Variants in TANC2 observed in about 807,000 individuals in gnomAD.
The protein encoded by TANC2 is tetratricopeptide repeat, ankyrin repeat and coiled-coil containing 2, also known as protein TANC2.
In TANC2, 26 loss-of-function variants were observed where a neutral mutation model predicts 210.5. That is an observed-to-expected ratio of 0.12 (90% confidence interval 0.09 to 0.17). The LOEUF (loss-of-function observed/expected upper bound fraction) is 0.17, where lower values mean the gene tolerates loss of function less well. Among genes scored for constraint, TANC2 ranks in the 10% least tolerant of loss-of-function variants. The probability of loss-of-function intolerance (pLI) is 1.00; values close to 1 mark genes in which losing one functional copy is unlikely to be tolerated. For missense variants in TANC2, 2,129 were observed against 2,608.9 expected, an observed-to-expected ratio of 0.82 and a Z score of 4.01; for synonymous variants, 931 against 967.1, an observed-to-expected ratio of 0.96 and a Z score of 0.69.
At chr17:63,277,047 C>T (rs979804894) in intron 9 of TANC2, among the ~76,000 whole-genome samples, 1 of 152,112 alleles carries the variant, frequency 6.6e-6, no homozygotes, top group East Asian at 1.9e-4. Flanking sequence ...GATTCATTCA[C>T]CCAAACCAGC....
At chr17:63,407,207 C>A (rs1162097196) in intron 21 of TANC2, among the ~76,000 whole-genome samples, 1 of 152,176 alleles carries the variant, frequency 6.6e-6, no homozygotes, top group Non-Finnish European at 1.5e-5. Flanking sequence ...TTTTTTTCCA[C>A]AGACTCAGAC....
chr17:63,410,130 A>G (rs966862053), intron 21 of TANC2, among the ~76,000 whole-genome samples: 2 of 152,202 alleles, frequency 1.3e-5, no homozygotes, highest in Admixed American at 6.5e-5. Context: ...TGTGTGCATT[A>G]CCTTACACAC....
At chr17:63,402,972 C>T (rs1240705101) in intron 19 of TANC2, among the ~76,000 whole-genome samples, 1 of 152,156 alleles carries the variant, frequency 6.6e-6, no homozygotes, top group African/African-American at 2.4e-5. Context: ...CTGTGTTAAC[C>T]ATGTCCAGCT....
rs762791990 is a variant in TANC2, at chr17:63,340,239, C to G, written c.1714C>G (p.Leu572Val). The G allele has an allele frequency of 1.9e-6, 3 of 1,614,000 alleles. No individual in the cohort carries two copies. The Admixed American group carries it at 5.0e-5, about 27-fold the overall frequency. The change falls in exon 12 of 28, where the codon CTG (leucine) becomes GTG (valine). Residue 572 changes from leucine to valine, a missense_variant. Coordinates refer to ENST00000689528, the Ensembl canonical transcript of TANC2. ...GGAGCAGCTTCTTCGGGAACCTCAC[C>G]TGCAGAGCATGCTGAGCCTTCGTTC...
exon 16 of TANC2, chr17:63,388,658 A>G: frequency 4.4e-6 from 7 of 1,606,984 alleles, no homozygotes; most frequent in Non-Finnish European, 5.9e-6. Context: ...AAGTTGGTGT[A>G]TCATCCTCCA....
At chr17:63,256,662 A>G (rs2043203961) in intron 8 of TANC2, among the ~76,000 whole-genome samples, 2 of 152,182 alleles carry the variant, frequency 1.3e-5, no homozygotes, top group African/African-American at 2.4e-5. Context: ...TTCTGTCTGG[A>G]TGATCTGTCC....
At chr17:63,050,656 G>T (rs141381192) in intron 2 of TANC2, among the ~76,000 whole-genome samples, 28 of 152,232 alleles carry the variant, frequency 1.8e-4, no homozygotes, top group Admixed American at 3.3e-4. Flanking sequence ...GTGACATCTT[G>T]GATATCAAGT....
chr17:63,082,421 C>T (rs988125872), intron 3 of TANC2, among the ~76,000 whole-genome samples: 1 of 151,808 alleles, frequency 6.6e-6, no homozygotes, highest in Non-Finnish European at 1.5e-5. Flanking sequence ...ATGTTTTTTT[C>T]CTAGTGAAAG....
At chr17:63,383,974 G>A (rs1337687806) in intron 15 of TANC2, among the ~76,000 whole-genome samples, 4 of 152,118 alleles carry the variant, frequency 2.6e-5, no homozygotes, top group African/African-American at 9.7e-5. Flanking sequence ...AGTATAGCAA[G>A]CATGGTAATT....
Position 63,025,812 on chromosome 17 carries a change from A to AAATT in TANC2, c.67+16188_67+16189insTTAA, listed in dbSNP as rs1555757289. ...CCCTATCTCAAAAATAAAATAAAAT[A>AAATT]AAATTAAATTAAAATAAAATAAAAT... On this transcript the variant is annotated intron_variant, in intron 2 of 27. Coordinates refer to ENST00000689528, the Ensembl canonical transcript of TANC2. Among the ~76,000 whole-genome samples the AAATT allele has an allele frequency of 9.0e-3, 1,322 of 146,416 alleles. 4 individuals are homozygous for AAATT. Among genetic ancestry groups the AAATT allele is most frequent in the Middle Eastern group, 0.017 (5 of 290 alleles).
chr17:63,285,781 G>A (rs1414461143), intron 9 of TANC2, among the ~76,000 whole-genome samples: 1 of 152,096 alleles, frequency 6.6e-6, no homozygotes, highest in Non-Finnish European at 1.5e-5. Flanking sequence ...ATTTTTATTG[G>A]CGTGTGGTCA....
chr17:63,310,710 T>A (rs995651050), intron 9 of TANC2, among the ~76,000 whole-genome samples: 1 of 152,202 alleles, frequency 6.6e-6, no homozygotes, highest in Non-Finnish European at 1.5e-5. Flanking sequence ...CATAAATTAC[T>A]TTTCATACTC....
At chr17:63,247,753 A>G (rs937029301) in intron 8 of TANC2, among the ~76,000 whole-genome samples, 2 of 152,148 alleles carry the variant, frequency 1.3e-5, no homozygotes, top group African/African-American at 2.4e-5. Context: ...ATTATATGCT[A>G]CTGGAGTAGT....
chr17:63,126,079 ATGACTT>A (rs1431756422), intron 4 of TANC2, among the ~76,000 whole-genome samples: 1 of 152,186 alleles, frequency 6.6e-6, no homozygotes, highest in Non-Finnish European at 1.5e-5. Context: ...ACATGAGTGA[ATGACTT>A]TGAACAGTTT....
chr17:63,089,486 A>G (rs573255013), intron 3 of TANC2, among the ~76,000 whole-genome samples: 1 of 152,286 alleles, frequency 6.6e-6, no homozygotes, highest in African/African-American at 2.4e-5. Flanking sequence ...GGGAGGAGGT[A>G]AGACAATTAA....
intron 8 of TANC2, among the ~76,000 whole-genome samples, chr17:63,261,371 G>A (rs1302365421): frequency 2.6e-5 from 4 of 152,146 alleles, no homozygotes; most frequent in South Asian, 2.1e-4. Flanking sequence ...GAAACAAAAA[G>A]AGGCAAGAAT....
chr17:63,040,260 TAAAGG>T (rs1232271593), intron 2 of TANC2, among the ~76,000 whole-genome samples: 2 of 152,168 alleles, frequency 1.3e-5, no homozygotes, highest in East Asian at 3.8e-4. Flanking sequence ...GAGCATAAAA[TAAAGG>T]AGAGGAAGTA....
chr17:63,420,194 A>G lies in TANC2; in HGVS notation c.4464A>G (p.Ile1488Met), dbSNP rs1223480044. The G allele has an allele frequency of 5.0e-6, 8 of 1,596,886 alleles. No individual in the cohort carries two copies. The African/African-American group carries it at 8.0e-5, about 16-fold the overall frequency. ...AACCTGAGCCACAGCATGAAGACAT[A>G]TACTCTGTACAGGATATATTCGAGG... The change falls in exon 28 of 28, where the codon ATA (isoleucine) becomes ATG (methionine). Residue 1488 changes from isoleucine to methionine, a missense_variant. Coordinates refer to ENST00000689528, the Ensembl canonical transcript of TANC2. The surrounding 1 kb of genome is among the most constrained non-coding windows in gnomAD (Gnocchi z 4.2).
At chr17:63,199,570 GATTGTGCC>G (rs1236978543) in intron 6 of TANC2, among the ~76,000 whole-genome samples, 1 of 150,388 alleles carries the variant, frequency 6.6e-6, no homozygotes, top group African/African-American at 2.5e-5. Flanking sequence ...AGTGAGTTGA[GATTGTGCC>G]ATTGCACTCC....
Sources: gnomAD v4.1 joint callset for allele counts (sites outside exome capture counted in the v4.1 genomes callset) on GRCh38, gnomAD v4.1.1 for gene constraint, Gnocchi (gnomAD v3.1) non-coding constraint, MANE v1.5 for transcripts, NCBI Gene and HGNC (gene_info 2026-07-23, HGNC 2026-07-21) for gene names.